The following DPYD variants were observed in gnomAD, a reference collection of about 807,000 sequenced individuals.
DPYD encodes dihydropyrimidine dehydrogenase [NADP(+)].
A neutral mutation model predicts 116.2 loss-of-function variants in DPYD; 109 were observed. That is an observed-to-expected ratio of 0.94 (90% CI 0.80 to 1.10). The LOEUF (loss-of-function observed/expected upper bound fraction) is 1.10. Among genes scored for constraint, DPYD ranks in the 50% least tolerant of loss-of-function variants. The pLI, the probability that DPYD is intolerant of heterozygous loss-of-function variation, is 0.00. For synonymous variants in DPYD, 440 were observed against 432.0 expected, an observed-to-expected ratio of 1.02 and a Z score of -0.23; for missense variants, 1,302 against 1,254.5, an observed-to-expected ratio of 1.04 and a Z score of -0.57.
chr1:97,086,266 T>G (rs2101568513), intron 21 of DPYD, among the ~76,000 whole-genome samples: 1 of 152,134 alleles, frequency 6.6e-6, no homozygotes, highest in South Asian at 2.1e-4. Context: ...TTGGCCCGGC[T>G]GGTCTCAAAC....
intron 10 of DPYD, among the ~76,000 whole-genome samples, chr1:97,581,354 A>C (rs1281801953): frequency 6.9e-6 from 1 of 144,206 alleles, no homozygotes; most frequent in African/African-American, 2.6e-5. Context: ...AAAAAAAAAA[A>C]ATTGGCCAAG....
intron 1 of DPYD, among the ~76,000 whole-genome samples, chr1:97,905,379 TAAAAAG>T (rs2101694132): frequency 6.6e-6 from 1 of 152,068 alleles, no homozygotes; most frequent in Admixed American, 6.6e-5. Flanking sequence ...AAAGTAGAAA[TAAAAAG>T]AAAAATGTCC....
chr1:97,675,027 C>T (rs1023807495), intron 8 of DPYD, among the ~76,000 whole-genome samples: 7 of 152,124 alleles, frequency 4.6e-5, no homozygotes, highest in South Asian at 2.1e-4. Flanking sequence ...GCAGTGTGAA[C>T]GTGCAAGCAC....
chr1:97,698,801 T>G (rs1342211500), intron 6 of DPYD, among the ~76,000 whole-genome samples: 1 of 152,064 alleles, frequency 6.6e-6, no homozygotes, highest in African/African-American at 2.4e-5. Context: ...CAATATATAT[T>G]CCCATTTCCA....
intron 3 of DPYD, among the ~76,000 whole-genome samples, chr1:97,762,975 T>G (rs139797446): frequency 6.6e-6 from 1 of 152,106 alleles, no homozygotes; most frequent in African/African-American, 2.4e-5. Flanking sequence ...AGAGTTATTA[T>G]GAGGAACAAA....
chr1:97,810,829 C>A (rs1376315288), intron 3 of DPYD, among the ~76,000 whole-genome samples: 1 of 152,062 alleles, frequency 6.6e-6, no homozygotes, highest in African/African-American at 2.4e-5. Context: ...ACGAAATACT[C>A]CTAGTATAGA....
In DPYD at chr1:97,158,185, G is replaced by A. The variant is rs1262586403; in HGVS notation, c.2622+34884C>T. On this transcript the variant is annotated intron_variant, in intron 20 of 22. Transcript: ENST00000370192. ...AGCAGTACCAAGTCCAATTCCCCAG[G>A]GCTTTTTGTGCTTCTACAAATCATG... Among the ~76,000 whole-genome samples the A allele has an allele frequency of 2.0e-5, 3 of 151,764 alleles. No individual in the cohort carries two copies. The South Asian group carries it at 6.3e-4, about 32-fold the overall frequency.
At chr1:97,383,962 A>T (rs1453882995) in intron 14 of DPYD, among the ~76,000 whole-genome samples, 1 of 152,170 alleles carries the variant, frequency 6.6e-6, no homozygotes, top group Non-Finnish European at 1.5e-5. Flanking sequence ...TAGAAAAATT[A>T]GCTGGGTGTG....
intron 16 of DPYD, among the ~76,000 whole-genome samples, chr1:97,343,259 C>A (rs1463960671): frequency 6.6e-6 from 1 of 152,038 alleles, no homozygotes; most frequent in East Asian, 1.9e-4. Context: ...CACCATTATT[C>A]TCTTCAATTG....
chr1:97,098,775 T>C, intron 20 of DPYD, 143 bp from the exon 21 acceptor site: 1 of 942,716 alleles, frequency 1.1e-6, no homozygotes, highest in East Asian at 2.6e-5. Context: ...CTTCACTCAT[T>C]GTTTTGGACC....
At chr1:97,722,120 G>C (rs533568900) in intron 4 of DPYD, among the ~76,000 whole-genome samples, 1 of 151,456 alleles carries the variant, frequency 6.6e-6, no homozygotes, top group African/African-American at 2.4e-5. Flanking sequence ...AGCAGCCAGA[G>C]CTTTCATTAT....
At chr1:97,705,761 G>T (rs1287140204) in intron 5 of DPYD, among the ~76,000 whole-genome samples, 2 of 152,092 alleles carry the variant, frequency 1.3e-5, no homozygotes, top group Non-Finnish European at 2.9e-5. Context: ...CAGTGTAAAA[G>T]TGTTCCTATT....
chr1:97,640,956 T>C (rs1657856574), intron 8 of DPYD, among the ~76,000 whole-genome samples: 2 of 152,222 alleles, frequency 1.3e-5, no homozygotes, highest in African/African-American at 4.8e-5. Flanking sequence ...ATGATTTTAA[T>C]GGGTGGGCCT....
intron 13 of DPYD, among the ~76,000 whole-genome samples, chr1:97,456,506 T>C (rs1676695016): frequency 6.6e-6 from 1 of 152,066 alleles, no homozygotes; most frequent in Non-Finnish European, 1.5e-5. Flanking sequence ...CTACAAGTTG[T>C]AGGGAAAGAC....
At chr1:97,644,613 G>GT (rs1557857792) in intron 8 of DPYD, among the ~76,000 whole-genome samples, 3 of 148,078 alleles carry the variant, frequency 2.0e-5, no homozygotes, top group Non-Finnish European at 1.5e-5. Context: ...TTTGTTTTTT[G>GT]TTTTTGTTTT....
chr1:97,642,395 T>C (rs901245114), intron 8 of DPYD, among the ~76,000 whole-genome samples: 3 of 151,910 alleles, frequency 2.0e-5, no homozygotes, highest in East Asian at 3.9e-4. Context: ...AACACAGATA[T>C]ATAGACCAAT....
Position 97,774,408 on chromosome 1 carries a change from T to C in DPYD, c.234-33929A>G, listed in dbSNP as rs563237534. Among the ~76,000 whole-genome samples, 16 of 152,302 alleles carry C rather than the reference T, an allele frequency of 1.1e-4. No homozygotes were observed. In the South Asian group the frequency reaches 3.3e-3, roughly 32 times the overall value. On this transcript the variant is annotated intron_variant, in intron 3 of 22. Transcript: ENST00000370192. ...TCACTGTTTGAAAGGCTCTTATCTC[T>C]TCCTTTATGATATTAAGAGTTTTGC... is the stretch of plus-strand genomic sequence containing the variant.
rs111434654 is a variant in DPYD at position 97,182,017 on chromosome 1, G to T, written c.2622+11052C>A. Among the ~76,000 whole-genome samples the T allele has an allele frequency of 6.4e-3, 978 of 152,172 alleles. 4 individuals carry two copies. The highest frequency in any genetic ancestry group is 0.01 in the Non-Finnish European group (708 of 67,998). On this transcript the variant is annotated intron_variant, in intron 20 of 22. Coordinates refer to ENST00000370192, the MANE Select transcript of DPYD (RefSeq NM_000110.4). ...TGTGGGATCCATGTAGCTGTTCCAA[G>T]CTCACCCAGTAGTAAGGCATCATGC...
rs141033296 is a variant in DPYD at position 97,088,169 on chromosome 1, A to G, written c.2767-5699T>C. On this transcript the variant is annotated intron_variant, in intron 21 of 22. Coordinates refer to ENST00000370192, the MANE Select transcript of DPYD (RefSeq NM_000110.4). ...TTCTCATTTTTCTTGATCCATCTTCAGGTTAGAGTTGCTGACTATAAGATA... is the reference window on the plus strand; with the variant it reads ...TTCTCATTTTTCTTGATCCATCTTCGGGTTAGAGTTGCTGACTATAAGATA... Among the ~76,000 whole-genome samples, 398 of 152,290 alleles carry G rather than the reference A, an allele frequency of 2.6e-3. 1 individual carries two copies. The highest frequency in any genetic ancestry group is 9.0e-3 in the African/African-American group (375 of 41,564).
Sources: allele counts gnomAD v4.1 joint callset (sites outside exome capture counted in the v4.1 genomes callset), GRCh38; gene constraint gnomAD v4.1.1; transcripts MANE v1.5; gene names NCBI Gene and HGNC (gene_info 2026-07-23, HGNC 2026-07-21).